The following SYNE2 variants were observed in gnomAD, a reference collection of about 807,000 sequenced individuals.
SYNE2 encodes nesprin-2.
A neutral mutation model predicts 856.3 loss-of-function variants in SYNE2; 431 were observed. The ratio of observed to expected loss-of-function variants is 0.50; its 90% CI spans 0.47 to 0.55. The LOEUF is 0.55. SYNE2 is among the 20% of genes least tolerant of loss of function. SYNE2 has a pLI of 0.00. For synonymous variants in SYNE2, 2,923 were observed against 2,872.3 expected (o/e 1.02, Z -0.56); for missense variants, 8,129 against 8,023.2 (o/e 1.01, Z -0.50).
At chr14:63,933,870 G>A (rs1299341290) in intron 2 of SYNE2, among the ~76,000 whole-genome samples, 1 of 152,114 alleles carries the variant, frequency 6.6e-6, no homozygotes, top group Non-Finnish European at 1.5e-5. Context: ...TCCCCAATGG[G>A]TCAGCCTTTG....
At position 64,138,912 on chromosome 14, in the gene SYNE2, T is replaced by TTGTGTGTGTGTG. The variant is rs143789075; in HGVS notation, c.14843+945_14843+956dup. ...GTTATACAGCTTATACAAATGCTGG[T>TTGTGTGTGTGTG]TGTGTGTGTGTGTGTGTGTGTGTGT... On this transcript the variant is annotated intron_variant, in intron 79 of 115. Transcript: ENST00000555002. Among the ~76,000 whole-genome samples the TTGTGTGTGTGTG allele has an allele frequency of 2.5e-3, 358 of 144,282 alleles. 8 individuals carry two copies. The South Asian group carries it at 0.031, about 12-fold the overall frequency. 94.7% of individuals were successfully genotyped at this position (144,282 alleles called of 152,430 possible).
Position 64,065,422 on chromosome 14 carries a change from C to G in SYNE2, c.10213-10C>G. 1 of 1,609,040 alleles carries G rather than the reference C, an allele frequency of 6.2e-7. No individual in the cohort carries two copies. The highest frequency in any genetic ancestry group is 8.5e-7 in the Non-Finnish European group (1 of 1,178,122). On this transcript the variant is annotated splice_polypyrimidine_tract_variant and intron_variant, in intron 50 of 115. Coordinates refer to ENST00000555002, the MANE Select transcript of SYNE2 (RefSeq NM_182914.3). ...ATGTCCCTCTTATTTTTTTTCTTTT[C>G]TTTCTTAAGGCCTTGGTGTCAAATC...
chr14:64,180,660 C>A (rs578244511), intron 96 of SYNE2, among the ~76,000 whole-genome samples: 43 of 152,224 alleles, frequency 2.8e-4, no homozygotes, highest in African/African-American at 9.4e-4. Context: ...CCCGCCACCA[C>A]GCCCAGCTAA....
rs2153715540 is a variant in SYNE2, at chr14:64,162,204, A to G, written c.16227A>G (p.Gln5409=). 6.2e-7 allele frequency: 1 copy of G among 1,614,256 alleles called. No individual in the cohort carries two copies. The highest frequency in any genetic ancestry group is 8.5e-7 in the Non-Finnish European group (1 of 1,180,040). ...ARLKQQEAKF[Q]QLANISMSGN... is the part of the protein sequence containing the mutation. ...TGAAGCAGCAGGAAGCAAAGTTTCA[A>G]CAGCTCGCAAACATCAGCATGTCTG... is the stretch of plus-strand genomic sequence containing the variant. The change falls in exon 88 of 116, where the codon CAA becomes CAG. Residue 5409 remains glutamine, a synonymous_variant. Coordinates refer to ENST00000555002, the MANE Select transcript of SYNE2 (RefSeq NM_182914.3).
At chr14:63,935,685 A>G (rs2095821792) in intron 2 of SYNE2, among the ~76,000 whole-genome samples, 1 of 152,192 alleles carries the variant, frequency 6.6e-6, no homozygotes, top group Non-Finnish European at 1.5e-5. Context: ...TTGCTTCAAT[A>G]TAGTAAAATA....
chr14:63,869,636 C>CAAAAA (rs35258750), intron 1 of SYNE2, among the ~76,000 whole-genome samples: 41 of 77,364 alleles, frequency 5.3e-4, no homozygotes, highest in South Asian at 2.9e-3. Flanking sequence ...AACTTTGTCT[C>CAAAAA]AAAAAAAAAA....
intron 65 of SYNE2, among the ~76,000 whole-genome samples, chr14:64,112,805 A>G (rs2097822061): frequency 6.6e-6 from 1 of 152,248 alleles, no homozygotes; most frequent in Non-Finnish European, 1.5e-5. Flanking sequence ...AAGTAATACC[A>G]TGTATGTTTT....
In SYNE2 at chr14:64,189,964, A is replaced by ATTT. The variant is rs11423254; in HGVS notation, c.17872-92_17872-90dup. Reference sequence around the variant, plus strand: ...TGGTATGAGCCACTATGCCTGGCCAATTTTTTTTTTTTTTTTTAATTTCAA... The same window carrying ATTT: ...TGGTATGAGCCACTATGCCTGGCCAATTTTTTTTTTTTTTTTTTTTAATTTCAA... On this transcript the variant is annotated intron_variant, in intron 98 of 115. Transcript: ENST00000555002. The ATTT allele has an allele frequency of 6.7e-3, 7,906 of 1,172,304 alleles. 3 individuals are homozygous for ATTT. Among genetic ancestry groups the ATTT allele is most frequent in the Middle Eastern group, 0.013 (45 of 3,460 alleles). The allele number at this position is 1,172,304 out of a possible 1,614,324, so 72.6% of individuals were successfully genotyped here.
In SYNE2 at chr14:64,208,752, T is replaced by C. The variant is rs780738603; in HGVS notation, c.18202-6T>C. 2 of 1,614,086 alleles carry C rather than the reference T, an allele frequency of 1.2e-6. No homozygotes were observed. Among genetic ancestry groups the C allele is most frequent in the Admixed American group, 1.7e-5 (1 of 60,006 alleles). ...CAAGAGGTTTCTTACTCTGTTGTAATCACAGGATCTACAGCGAGATATTGA... is the reference window on the plus strand; with the variant it reads ...CAAGAGGTTTCTTACTCTGTTGTAACCACAGGATCTACAGCGAGATATTGA... On this transcript the variant is annotated splice_region_variant and splice_polypyrimidine_tract_variant and intron_variant, in intron 100 of 115. Coordinates refer to ENST00000555002, the MANE Select transcript of SYNE2 (RefSeq NM_182914.3).
chr14:64,190,720 G>A, intron 99 of SYNE2: 1 of 668,918 alleles, frequency 1.5e-6, no homozygotes, highest in Admixed American at 2.2e-5. Context: ...TGGGCTCAGA[G>A]TGCCAGGTCT....
intron 45 of SYNE2, among the ~76,000 whole-genome samples, chr14:64,040,554 A>C (rs1488114956): frequency 6.7e-6 from 1 of 150,208 alleles, no homozygotes; most frequent in Non-Finnish European, 1.5e-5. Flanking sequence ...AAAATCCAAC[A>C]TCTATAAAGA....
At chr14:64,154,251 A>G (rs942028757) in intron 85 of SYNE2, among the ~76,000 whole-genome samples, 3 of 152,092 alleles carry the variant, frequency 2.0e-5, no homozygotes, top group African/African-American at 4.8e-5. Context: ...TCATGACTTC[A>G]TGGATTAGGC....
chr14:64,214,091 G>A (rs773447114), intron 105 of SYNE2, 103 bp from the exon 106 acceptor site: 100 of 1,552,860 alleles, frequency 6.4e-5, no homozygotes, highest in Non-Finnish European at 8.6e-5. Flanking sequence ...AATACTATTG[G>A]CAGTTATTTT....
At chr14:64,058,801 T>C (rs2097293671) in intron 49 of SYNE2, among the ~76,000 whole-genome samples, 1 of 152,154 alleles carries the variant, frequency 6.6e-6, no homozygotes, top group African/African-American at 2.4e-5. Flanking sequence ...TAGATTTACC[T>C]TTTTGAGGCT....
At chr14:63,767,786 T>G (rs1226126651) in intron 1 of SYNE2, among the ~76,000 whole-genome samples, 2 of 152,212 alleles carry the variant, frequency 1.3e-5, no homozygotes, top group African/African-American at 4.8e-5. Context: ...TAGTGATTAG[T>G]GTCCATTTGT....
intron 33 of SYNE2, 151 bp from the exon 34 acceptor site, chr14:64,017,444 G>A (rs2096902017): frequency 1.7e-6 from 1 of 605,416 alleles, no homozygotes. Context: ...AGAACTACAT[G>A]ATATGTTAAA....
rs1427123255 is a variant in SYNE2, at chr14:64,167,658, C to T, written c.16905+19C>T. 1 of 1,613,948 alleles carries T rather than the reference C, an allele frequency of 6.2e-7. No homozygotes were observed. The highest frequency in any genetic ancestry group is 8.5e-7 in the Non-Finnish European group (1 of 1,180,004). ...CTATAAGGTAAACCTGTGTTCTCTG[C>T]CACCCTTGAACCGCTCATCTGGGGC... On this transcript the variant is annotated intron_variant, in intron 92 of 115. Coordinates refer to ENST00000555002, the MANE Select transcript of SYNE2 (RefSeq NM_182914.3).
At chr14:64,051,435 A>C (rs1351259932) in intron 47 of SYNE2, 122 bp from the exon 48 acceptor site, 1 of 936,756 alleles carries the variant, frequency 1.1e-6, no homozygotes, top group Non-Finnish European at 1.6e-6. Context: ...TTATTTTTAC[A>C]GACAGCCTAA....
intron 65 of SYNE2, among the ~76,000 whole-genome samples, chr14:64,109,281 G>T (rs575132100): frequency 6.6e-6 from 1 of 150,964 alleles, no homozygotes; most frequent in African/African-American, 2.4e-5. Flanking sequence ...TGACAATAAA[G>T]AGAAGGAGGA....
Sources: gnomAD v4.1 joint callset for allele counts (sites outside exome capture counted in the v4.1 genomes callset) on GRCh38, gnomAD v4.1.1 for gene constraint, MANE v1.5 for transcripts, NCBI Gene and HGNC (gene_info 2026-07-23, HGNC 2026-07-21) for gene names.